PARP9: variants seen among roughly 807,000 people sequenced by gnomAD.
PARP9 encodes the protein protein mono-ADP-ribosyltransferase PARP9.
In PARP9, 48 loss-of-function variants were observed where a neutral mutation model predicts 68.8. The observed-to-expected ratio is 0.70, with a 90% CI of 0.55 to 0.89. The LOEUF (loss-of-function observed/expected upper bound fraction) is 0.89. PARP9 is among the 40% of genes least tolerant of loss of function. The pLI, the probability that PARP9 is intolerant of heterozygous loss-of-function variation, is 0.00. For missense variants in PARP9, 806 were observed against 969.3 expected (o/e 0.83, Z 2.24); for synonymous variants, 309 against 333.8 (o/e 0.93, Z 0.81).
At chr3:122,547,035 CAT>C (rs1164156906) in intron 6 of PARP9, among the ~76,000 whole-genome samples, 5 of 137,054 alleles carry the variant, frequency 3.6e-5, no homozygotes, top group Non-Finnish European at 7.9e-5. Flanking sequence ...CATACACACA[CAT>C]ATACATACAC....
chr3:122,532,846 C>T (rs1034354011), intron 10 of PARP9: 1 of 152,164 alleles, frequency 6.6e-6, no homozygotes, highest in African/African-American at 2.4e-5. Context: ...TGAAAGTAAA[C>T]AGCATGTTTA....
intron 5 of PARP9, among the ~76,000 whole-genome samples, chr3:122,552,108 G>A (rs1315188183): frequency 2.0e-5 from 3 of 151,784 alleles, no homozygotes; most frequent in African/African-American, 7.3e-5. Context: ...TGGTAGAGAT[G>A]GGGGTCTTGC....
intron 8 of PARP9, among the ~76,000 whole-genome samples, chr3:122,539,535 C>CTTTTCT: frequency 2.9e-5 from 1 of 34,178 alleles, no homozygotes; most frequent in South Asian, 9.2e-4. Flanking sequence ...TTCTTTCTTT[C>CTTTTCT]TTTCTTTCTT....
chr3:122,537,099 T>C (rs939811109), intron 8 of PARP9, 26 bp from the exon 9 acceptor site: 4 of 1,587,318 alleles, frequency 2.5e-6, no homozygotes, highest in Middle Eastern at 1.8e-4. Context: ...ACAAAAACTT[T>C]ACTTCAATGC....
rs763390107 is a variant in PARP9, at chr3:122,540,809, T to G, written c.1428A>C (p.Glu476Asp). 1.1e-5 allele frequency: 18 copies of G among 1,613,938 alleles called. No individual in the cohort carries two copies. The highest frequency in any genetic ancestry group is 1.4e-5 in the Non-Finnish European group (17 of 1,179,994). The change falls in exon 8 of 11, where the codon GAA becomes GAC. Residue 476 changes from glutamate (E) to aspartate (D), a missense_variant. Physicochemically the swap from Glu to Asp is conservative, Grantham distance 45. Around this residue, in one of 2 missense-constraint regions of PARP9, gnomAD observed 680 missense variants for 858.8 expected, o/e 0.79. Coordinates refer to ENST00000682323, the MANE Select transcript of PARP9 (RefSeq NM_001146105.2). ...TREEKRENGL[E>D]ARSPAINLMG... ...TCAGATTGATGGCAGGAGATCTAGCTTCAAGCCCATTTTCTCTTTTCTCCT... is the reference window on the plus strand; with the variant it reads ...TCAGATTGATGGCAGGAGATCTAGCGTCAAGCCCATTTTCTCTTTTCTCCT...
intron 1 of PARP9, among the ~76,000 whole-genome samples, chr3:122,559,983 G>C (rs573922152): frequency 5.9e-5 from 9 of 152,344 alleles, no homozygotes; most frequent in South Asian, 2.1e-4. Context: ...GTTGAGACTA[G>C]AGCCTGGTCA....
intron 10 of PARP9, among the ~76,000 whole-genome samples, chr3:122,531,261 G>C (rs1229644793): frequency 6.6e-6 from 1 of 152,196 alleles, no homozygotes; most frequent in African/African-American, 2.4e-5. Context: ...TTCACAAAGG[G>C]AAGTCTCATC....
Position 122,555,910 on chromosome 3 carries a change from G to C in PARP9, c.261C>G (p.Val87=), listed in dbSNP as rs73192127. 412,726 of 1,613,548 alleles carry C rather than the reference G, an allele frequency of 0.26. 54,790 individuals are homozygous for C. The highest frequency in any genetic ancestry group is 0.27 in the Non-Finnish European group (317,036 of 1,179,846). Residue 87 remains valine, a synonymous_variant, in exon 4 of 11, where the codon GTC becomes GTG. Coordinates refer to ENST00000682323, the MANE Select transcript of PARP9 (RefSeq NM_001146105.2). ...CATGTGTGGTGAGGTCATCTTTCCAGACTGATAACTCTATCCTAGGAGTCA... is the reference window on the plus strand; with the variant it reads ...CATGTGTGGTGAGGTCATCTTTCCACACTGATAACTCTATCCTAGGAGTCA... ...KMLTPRIELS[V]WKDDLTTHAV...
Position 122,556,730 on chromosome 3 carries a change from C to T in PARP9, c.50-609G>A, listed in dbSNP as rs999287444. 3.9e-5 allele frequency among the ~76,000 whole-genome samples: 6 copies of T among 152,030 alleles called. No homozygotes were observed. The East Asian group carries it at 9.6e-4, about 24-fold the overall frequency. ...AGCACGTGTAACTAGGCAGATGGAA[C>T]TTAACTCTACTGGGAAACAGTGTAG... On this transcript the variant is annotated intron_variant, in intron 3 of 10. Transcript: ENST00000682323.
chr3:122,542,213 C>T (rs1024909470), intron 7 of PARP9, among the ~76,000 whole-genome samples: 8 of 149,714 alleles, frequency 5.3e-5, no homozygotes, highest in Admixed American at 3.3e-4. Flanking sequence ...TTCTCCTCTC[C>T]CTCCCCCTAC....
chr3:122,539,766 G>A (rs1482961371), intron 8 of PARP9, among the ~76,000 whole-genome samples: 1 of 151,974 alleles, frequency 6.6e-6, no homozygotes, highest in Non-Finnish European at 1.5e-5. Flanking sequence ...GTTTCTCCAT[G>A]TTGGTCAGAT....
At chr3:122,560,502 T>C (rs2080107312) in intron 1 of PARP9, among the ~76,000 whole-genome samples, 1 of 152,112 alleles carries the variant, frequency 6.6e-6, no homozygotes, top group Non-Finnish European at 1.5e-5. Context: ...TTCTCCTGCC[T>C]CAGCCTCCTG....
chr3:122,545,740 A>C, intron 6 of PARP9: 1 of 476,502 alleles, frequency 2.1e-6, no homozygotes, highest in African/African-American at 2.0e-5. Context: ...AAGACTATAC[A>C]TTCCGAGACA....
chr3:122,539,507 A>ATTCCTTTCTTTCTTTCTTTGTTTC (rs1553714534), intron 8 of PARP9, among the ~76,000 whole-genome samples: 1 of 133,162 alleles, frequency 7.5e-6, no homozygotes, highest in Non-Finnish European at 1.6e-5. Flanking sequence ...CCAAGATGGC[A>ATTCCTTTCTTTCTTTCTTTGTTTC]TTTCTTTCTT....
intron 1 of PARP9, among the ~76,000 whole-genome samples, chr3:122,562,905 T>C (rs999356999): frequency 6.6e-6 from 1 of 152,236 alleles, no homozygotes; most frequent in African/African-American, 2.4e-5. Context: ...AAGAACATCT[T>C]TGTACACAGG....
At chr3:122,536,068 C>T (rs777391740) in intron 10 of PARP9, 100 bp downstream of exon 10, 1 of 1,596,310 alleles carries the variant, frequency 6.3e-7, no homozygotes, top group East Asian at 2.3e-5. Flanking sequence ...CACAAATGAT[C>T]CCTTCCCCAC....
At chr3:122,530,480 AG>A (rs986997219) in intron 10 of PARP9, among the ~76,000 whole-genome samples, 2 of 152,078 alleles carry the variant, frequency 1.3e-5, no homozygotes, top group African/African-American at 4.8e-5. Flanking sequence ...ACTAGAAATG[AG>A]TACTCTCCAT....
In PARP9 at chr3:122,552,358, A is replaced by T. The variant is rs77439638; in HGVS notation, c.1107+60T>A. 1.6e-4 allele frequency: 141 copies of T among 902,462 alleles called. No individual in the cohort carries two copies. In the Middle Eastern group the frequency reaches 2.3e-3, roughly 15 times the overall value. 55.9% of individuals were successfully genotyped at this position (902,462 alleles called of 1,614,324 possible). Reference sequence around the variant, plus strand: ...GTAATGAAATGATGGAAATTTGTTTAAAAAAAAAAGACTGTATAGACTATG... The same window carrying T: ...GTAATGAAATGATGGAAATTTGTTTTAAAAAAAAAGACTGTATAGACTATG... On this transcript the variant is annotated intron_variant, in intron 5 of 10. Transcript: ENST00000682323.
At chr3:122,544,735 C>T (rs1201071104) in intron 7 of PARP9, among the ~76,000 whole-genome samples, 1 of 152,120 alleles carries the variant, frequency 6.6e-6, no homozygotes, top group Non-Finnish European at 1.5e-5. Context: ...ACTTGGGAGA[C>T]TTAGGTGGGA....
Sources: gnomAD v4.1 joint callset for allele counts (sites outside exome capture counted in the v4.1 genomes callset) on GRCh38, gnomAD v4.1.1 for gene constraint, gnomAD v4.1.1 regional missense constraint, MANE v1.5 for transcripts, NCBI Gene and HGNC (gene_info 2026-07-23, HGNC 2026-07-21) for gene names.